The following SMAD1 variants were observed in gnomAD, a reference collection of about 807,000 sequenced individuals.
SMAD1 encodes the protein SMAD family member 1.
A neutral mutation model predicts 41.6 loss-of-function variants in SMAD1; 6 were observed. That is an observed-to-expected ratio of 0.14 (90% confidence interval 0.08 to 0.28). The LOEUF (loss-of-function observed/expected upper bound fraction) is 0.28, where lower values mean the gene tolerates loss of function less well. Ranked by LOEUF, SMAD1 falls within the 10% of genes least tolerant of loss-of-function variation. The pLI is 1.00. For synonymous variants in SMAD1, 206 were observed against 203.2 expected (o/e 1.01, Z -0.12); for missense variants, 379 against 582.6 (o/e 0.65, Z 3.60).
upstream of SMAD1, among the ~76,000 whole-genome samples, chr4:145,481,012 G>T (rs1238842892): frequency 6.8e-6 from 1 of 147,470 alleles, no homozygotes. Flanking sequence ...AATTATGCAA[G>T]ATTTTATGCA....
upstream of SMAD1, chr4:145,481,729 C>T (rs1189542267): frequency 2.2e-5 from 4 of 178,174 alleles, no homozygotes; most frequent in Admixed American, 6.2e-5. Flanking sequence ...CGCGCGGCAG[C>T]GGCGGCGGCG....
At chr4:145,530,283 C>T (rs1207807354) in intron 2 of SMAD1, among the ~76,000 whole-genome samples, 1 of 152,152 alleles carries the variant, frequency 6.6e-6, no homozygotes, top group Non-Finnish European at 1.5e-5. Flanking sequence ...CATGGGAGTG[C>T]TGTTAGAACT....
At chr4:145,493,782 T>C (rs1370186965) in intron 1 of SMAD1, among the ~76,000 whole-genome samples, 2 of 152,230 alleles carry the variant, frequency 1.3e-5, no homozygotes, top group Non-Finnish European at 2.9e-5. Flanking sequence ...CACTGGACTA[T>C]GTTTTGGATG....
intron 3 of SMAD1, among the ~76,000 whole-genome samples, chr4:145,541,558 G>T (rs536090038): frequency 6.6e-6 from 1 of 152,294 alleles, no homozygotes; most frequent in East Asian, 1.9e-4. Flanking sequence ...TCCAGAGAAG[G>T]TCCCAGTAGT....
chr4:145,497,829 T>C (rs1035612545), intron 1 of SMAD1: 3 of 152,238 alleles, frequency 2.0e-5, no homozygotes, highest in African/African-American at 7.2e-5. Flanking sequence ...CATTTGCTTC[T>C]TTTAGCTCTT....
intron 2 of SMAD1, among the ~76,000 whole-genome samples, chr4:145,519,831 C>A (rs1219918769): frequency 3.3e-5 from 5 of 152,148 alleles, no homozygotes; most frequent in African/African-American, 4.8e-5. Flanking sequence ...TGATAACCAC[C>A]ATTCTAATTC....
chr4:145,539,787 TC>T lies in SMAD1; in HGVS notation c.401-14del. 1 of 1,609,830 alleles carries T rather than the reference TC, an allele frequency of 6.2e-7. No homozygotes were observed. Among genetic ancestry groups the T allele is most frequent in the East Asian group, 2.2e-5 (1 of 44,776 alleles). Reference sequence around the variant, plus strand: ...TTCTCATGTTTGTCCTTCTCTTTTTTCCCTTCCTTTTTCTAGTACTTCCTCC... The same window carrying T: ...TTCTCATGTTTGTCCTTCTCTTTTTTCCTTCCTTTTTCTAGTACTTCCTCC... On this transcript the variant is annotated splice_polypyrimidine_tract_variant and intron_variant, in intron 2 of 6. Transcript: ENST00000302085.
intron 1 of SMAD1, among the ~76,000 whole-genome samples, chr4:145,511,704 A>T (rs565920243): frequency 5.3e-5 from 8 of 152,218 alleles, no homozygotes; most frequent in Non-Finnish European, 1.0e-4. Flanking sequence ...GGATAACACA[A>T]GGACCTTAGA....
rs1207438602 is a variant in SMAD1, at chr4:145,516,053, T to C, written c.400+1040T>C. On this transcript the variant is annotated intron_variant, in intron 2 of 6. Coordinates refer to ENST00000302085, the MANE Select transcript of SMAD1 (RefSeq NM_005900.3). ...TTTAAAAAAAGATTTTAAAGACCAG[T>C]AGTATAACAAACATCTCTGTATCCC... 6.6e-5 allele frequency among the ~76,000 whole-genome samples: 10 copies of C among 152,352 alleles called. No homozygotes were observed. The South Asian group carries it at 8.3e-4, about 13-fold the overall frequency.
chr4:145,533,436 A>G (rs1731431465), intron 2 of SMAD1, among the ~76,000 whole-genome samples: 1 of 152,210 alleles, frequency 6.6e-6, no homozygotes, highest in Non-Finnish European at 1.5e-5. Context: ...CTGTAATCCC[A>G]GTGCTTTGAG....
chr4:145,555,554 ATTACT>A (rs1025293767), intron 6 of SMAD1, among the ~76,000 whole-genome samples: 7 of 152,166 alleles, frequency 4.6e-5, no homozygotes, highest in African/African-American at 1.7e-4. Flanking sequence ...AAGAGAATTT[ATTACT>A]TTAATGTTCC....
chr4:145,540,635 C>CT lies in SMAD1; in HGVS notation c.658+579dup, dbSNP rs569530725. On this transcript the variant is annotated intron_variant, in intron 3 of 6. Coordinates refer to ENST00000302085, the MANE Select transcript of SMAD1 (RefSeq NM_005900.3). ...AGCAAAGACAAAAAACAATTATCCTCTTTTTCTAGACATAACTGTTGGTGT... is the reference window on the plus strand; with the variant it reads ...AGCAAAGACAAAAAACAATTATCCTCTTTTTTCTAGACATAACTGTTGGTGT... Among the ~76,000 whole-genome samples the CT allele has an allele frequency of 3.2e-4, 49 of 151,382 alleles. No homozygotes were observed. The East Asian group carries it at 9.4e-3, about 29-fold the overall frequency.
chr4:145,510,535 A>C (rs528901577), intron 1 of SMAD1, among the ~76,000 whole-genome samples: 1 of 152,244 alleles, frequency 6.6e-6, no homozygotes, highest in Admixed American at 6.5e-5. Context: ...GGTTCTTTTC[A>C]ATAACAATGT....
intron 4 of SMAD1, chr4:145,544,748 A>G (rs1732151821): frequency 6.6e-6 from 1 of 152,048 alleles, no homozygotes; most frequent in African/African-American, 2.4e-5. Flanking sequence ...CATCTTATCA[A>G]ACATAATTCT....
chr4:145,519,914 C>T (rs1730648271), intron 2 of SMAD1, among the ~76,000 whole-genome samples: 1 of 152,114 alleles, frequency 6.6e-6, no homozygotes, highest in African/African-American at 2.4e-5. Context: ...CTTTCTGTGC[C>T]TGGCTTATTT....
At chr4:145,521,095 C>CG (rs764800946) in intron 2 of SMAD1, among the ~76,000 whole-genome samples, 1 of 152,212 alleles carries the variant, frequency 6.6e-6, no homozygotes, top group Non-Finnish European at 1.5e-5. Context: ...CTTCTGAAGA[C>CG]TATGTCCCTG....
intron 2 of SMAD1, among the ~76,000 whole-genome samples, chr4:145,534,059 T>C (rs758647399): frequency 6.6e-6 from 1 of 152,114 alleles, no homozygotes; most frequent in Admixed American, 6.6e-5. Context: ...GGATGAAACA[T>C]GCAGAGACCT....
chr4:145,557,457 T>C (rs1303933116), intron 6 of SMAD1, among the ~76,000 whole-genome samples: 1 of 152,214 alleles, frequency 6.6e-6, no homozygotes, highest in Admixed American at 6.5e-5. Flanking sequence ...TAATAGCTAT[T>C]ACATTACTAT....
In SMAD1 at chr4:145,558,840, C is replaced by T. The variant is rs933802169; in HGVS notation, c.*906C>T. On this transcript the variant is annotated 3_prime_UTR_variant, in exon 7 of 7. Coordinates refer to ENST00000302085, the MANE Select transcript of SMAD1 (RefSeq NM_005900.3). ...AATAATTCCTGCTATTCTGAAATTG[C>T]CTACATGTTTCAATACCAGTTATAT... is the stretch of plus-strand genomic sequence containing the variant. Among the ~76,000 whole-genome samples, 1 of 152,004 alleles carries T rather than the reference C, an allele frequency of 6.6e-6. No individual in the cohort carries two copies. The highest frequency in any genetic ancestry group is 1.5e-5 in the Non-Finnish European group (1 of 68,014).
Sources: gnomAD v4.1 joint callset for allele counts (sites outside exome capture counted in the v4.1 genomes callset) on GRCh38, gnomAD v4.1.1 for gene constraint, MANE v1.5 for transcripts, NCBI Gene and HGNC (gene_info 2026-07-23, HGNC 2026-07-21) for gene names.